The following CTNNA2 variants were observed in gnomAD, a reference collection of about 807,000 sequenced individuals.
The protein encoded by CTNNA2 is catenin alpha 2.
A neutral mutation model predicts 101.0 loss-of-function variants in CTNNA2; 42 were observed. The ratio of observed to expected loss-of-function variants is 0.42; its 90% CI spans 0.32 to 0.54. CTNNA2 has a LOEUF of 0.54. Among genes scored for constraint, CTNNA2 ranks in the 20% least tolerant of loss-of-function variants. The pLI, the probability that CTNNA2 is intolerant of heterozygous loss-of-function variation, is 0.14. For missense variants in CTNNA2, 871 were observed against 1,223.1 expected (o/e 0.71, Z 4.29); for synonymous variants, 450 against 456.4 (o/e 0.99, Z 0.18).
At chr2:79,710,467 A>G (rs1397470171) in intron 2 of CTNNA2, among the ~76,000 whole-genome samples, 1 of 152,196 alleles carries the variant, frequency 6.6e-6, no homozygotes, top group African/African-American at 2.4e-5. Context: ...AAGAAATGTT[A>G]TATTTGTTAG....
At position 79,762,038 on chromosome 2, in the gene CTNNA2, A is replaced by G. The variant is rs1475498068; in HGVS notation, c.298+17456A>G. 7.9e-5 allele frequency among the ~76,000 whole-genome samples: 12 copies of G among 152,310 alleles called. No homozygotes were observed. In the South Asian group the frequency reaches 1.9e-3, roughly 24 times the overall value. On this transcript the variant is annotated intron_variant, in intron 3 of 18. Transcript: ENST00000402739. ...TCTGTTTGTTTTCCTTAAGAAAAGC[A>G]AGGCAGAAGGGCTTCGTCGTTAATT...
chr2:79,475,495 T>C (rs1008700598), intron 4 of CTNNA2, among the ~76,000 whole-genome samples: 7 of 152,172 alleles, frequency 4.6e-5, no homozygotes, highest in African/African-American at 1.7e-4. Flanking sequence ...CAGATTTGAT[T>C]TGTGGTTTTA....
chr2:80,097,567 G>A (rs1468401350), intron 7 of CTNNA2, among the ~76,000 whole-genome samples: 1 of 152,116 alleles, frequency 6.6e-6, no homozygotes, highest in Non-Finnish European at 1.5e-5. Context: ...TCCTAGATTG[G>A]AGAAGTTCTC....
intron 2 of CTNNA2, among the ~76,000 whole-genome samples, chr2:79,227,536 G>A (rs1169730515): frequency 6.6e-6 from 1 of 152,106 alleles, no homozygotes; most frequent in East Asian, 1.9e-4. Flanking sequence ...GATACTGCAA[G>A]TTTGATTCCA....
chr2:79,789,602 G>C (rs910191072), intron 3 of CTNNA2, among the ~76,000 whole-genome samples: 5 of 152,066 alleles, frequency 3.3e-5, no homozygotes, highest in African/African-American at 1.2e-4. Context: ...TTAGCGCTCA[G>C]GGGCCTATTT....
chr2:80,435,400 CTT>C (rs1160752852), intron 9 of CTNNA2, among the ~76,000 whole-genome samples: 5 of 152,114 alleles, frequency 3.3e-5, no homozygotes, highest in Admixed American at 2.6e-4. Flanking sequence ...GTAAAAACCT[CTT>C]GTCACAATTT....
At chr2:79,304,010 C>T (rs1676174063) in intron 2 of CTNNA2, among the ~76,000 whole-genome samples, 1 of 152,082 alleles carries the variant, frequency 6.6e-6, no homozygotes, top group South Asian at 2.1e-4. Context: ...GTAGAGTATG[C>T]TGCTACTGGG....
chr2:79,302,564 T>C (rs1226233569), intron 2 of CTNNA2, among the ~76,000 whole-genome samples: 2 of 152,312 alleles, frequency 1.3e-5, no homozygotes, highest in Non-Finnish European at 1.5e-5. Flanking sequence ...TTAATGAAGA[T>C]TGAGGTATCT....
At chr2:80,553,634 A>G (rs982595756) in intron 11 of CTNNA2, among the ~76,000 whole-genome samples, 1 of 152,156 alleles carries the variant, frequency 6.6e-6, no homozygotes, top group Non-Finnish European at 1.5e-5. Flanking sequence ...CTGCACTGAA[A>G]CTTTGTCCAT....
At chr2:80,556,584 G>A (rs998394207) in intron 12 of CTNNA2, among the ~76,000 whole-genome samples, 6 of 151,584 alleles carry the variant, frequency 4.0e-5, no homozygotes, top group African/African-American at 4.9e-5. Context: ...ATGCATTGGG[G>A]TAAAAAAAAA....
chr2:80,450,165 A>G (rs760564049), intron 9 of CTNNA2, among the ~76,000 whole-genome samples: 8 of 152,226 alleles, frequency 5.3e-5, no homozygotes. Context: ...TAGATATTCC[A>G]TAGAAAACTC....
chr2:80,489,639 G>A (rs1453672620), intron 9 of CTNNA2, among the ~76,000 whole-genome samples: 1 of 152,088 alleles, frequency 6.6e-6, no homozygotes, highest in Non-Finnish European at 1.5e-5. Flanking sequence ...TTTTGAATGT[G>A]TTTTGAATAT....
chr2:80,280,640 T>C (rs1424946098), intron 7 of CTNNA2, among the ~76,000 whole-genome samples: 1 of 152,068 alleles, frequency 6.6e-6, no homozygotes, highest in Non-Finnish European at 1.5e-5. Flanking sequence ...TTGTGCAGTT[T>C]CTGTTACCCA....
intron 9 of CTNNA2, among the ~76,000 whole-genome samples, chr2:80,507,362 T>C (rs1462211072): frequency 6.6e-6 from 1 of 152,202 alleles, no homozygotes; most frequent in Non-Finnish European, 1.5e-5. Context: ...CTACTAGTTA[T>C]ATGAAAAGTG....
chr2:80,321,268 G>A (rs557842281), intron 7 of CTNNA2, among the ~76,000 whole-genome samples: 1 of 152,150 alleles, frequency 6.6e-6, no homozygotes, highest in Non-Finnish European at 1.5e-5. Context: ...AATTGGAGAG[G>A]CTTTGGAGGT....
intron 7 of CTNNA2, among the ~76,000 whole-genome samples, chr2:80,203,934 T>G (rs11900864): frequency 0.029 from 4,467 of 152,264 alleles, 220 homozygotes; most frequent in African/African-American, 0.1. Flanking sequence ...TTGACTTCTG[T>G]GCACCTGCAG....
intron 1 of CTNNA2, among the ~76,000 whole-genome samples, chr2:79,602,598 C>A (rs1677619502): frequency 6.6e-6 from 1 of 152,034 alleles, no homozygotes; most frequent in Non-Finnish European, 1.5e-5. Flanking sequence ...TAGCAGTGTT[C>A]TTAAAATTGT....
chr2:79,753,774 C>G (rs1672202848), intron 3 of CTNNA2, among the ~76,000 whole-genome samples: 1 of 152,004 alleles, frequency 6.6e-6, no homozygotes, highest in East Asian at 1.9e-4. Context: ...CCATTCACTG[C>G]TCATGCAGTA....
chr2:79,979,082 A>T (rs1205691617), intron 7 of CTNNA2, among the ~76,000 whole-genome samples: 1 of 152,158 alleles, frequency 6.6e-6, no homozygotes, highest in Non-Finnish European at 1.5e-5. Flanking sequence ...CTCTTGGATG[A>T]AAGCAGTGTG....
Sources: gnomAD v4.1 joint callset for allele counts (sites outside exome capture counted in the v4.1 genomes callset) on GRCh38, gnomAD v4.1.1 for gene constraint, MANE v1.5 for transcripts, NCBI Gene and HGNC (gene_info 2026-07-23, HGNC 2026-07-21) for gene names.